The following GABRA2 variants were observed in gnomAD, a reference collection of about 807,000 sequenced individuals.
GABRA2 encodes gamma-aminobutyric acid receptor subunit alpha-2.
In GABRA2, 16 loss-of-function variants were observed where a neutral mutation model predicts 48.7. The observed-to-expected ratio is 0.33, with a 90% CI of 0.22 to 0.50. GABRA2 has a LOEUF of 0.50. Among genes scored for constraint, GABRA2 ranks in the 20% least tolerant of loss-of-function variants. GABRA2 has a pLI of 0.98. For synonymous variants in GABRA2, 185 were observed against 184.5 expected (o/e 1.00, Z -0.02); for missense variants, 275 against 535.6 (o/e 0.51, Z 4.80).
At chr4:46,363,428 C>T (rs1223763088) in intron 3 of GABRA2, among the ~76,000 whole-genome samples, 1 of 151,892 alleles carries the variant, frequency 6.6e-6, no homozygotes, top group Admixed American at 6.6e-5. Flanking sequence ...AAAACGAGAG[C>T]AAGAAATAGC....
chr4:46,275,373 A>C (rs1275654393), intron 8 of GABRA2, among the ~76,000 whole-genome samples: 1 of 152,144 alleles, frequency 6.6e-6, no homozygotes, highest in Non-Finnish European at 1.5e-5. Context: ...GTGATTTCCA[A>C]GAAATCTATT....
At chr4:46,346,514 C>T (rs186338741) in intron 3 of GABRA2, among the ~76,000 whole-genome samples, 228 of 151,050 alleles carry the variant, frequency 1.5e-3, no homozygotes, top group African/African-American at 4.4e-3. Context: ...TATAAACATA[C>T]GTTTAATATA....
At chr4:46,268,631 G>GT (rs1718715630) in intron 8 of GABRA2, among the ~76,000 whole-genome samples, 2 of 151,832 alleles carry the variant, frequency 1.3e-5, no homozygotes, top group African/African-American at 4.8e-5. Flanking sequence ...CAGTATGGGA[G>GT]TTTTTCAAAA....
chr4:46,334,651 G>T (rs1731905738), intron 3 of GABRA2, among the ~76,000 whole-genome samples: 1 of 152,152 alleles, frequency 6.6e-6, no homozygotes, highest in African/African-American at 2.4e-5. Flanking sequence ...AGGGGTATCA[G>T]TACCTAGTGG....
intron 3 of GABRA2, chr4:46,368,895 T>C (rs1714454795): frequency 3.2e-6 from 2 of 633,574 alleles, no homozygotes; most frequent in Non-Finnish European, 5.8e-6. Flanking sequence ...ATCTCCATTA[T>C]GCTCCACTCA....
chr4:46,354,513 G>A (rs754071243), intron 3 of GABRA2, among the ~76,000 whole-genome samples: 1 of 152,056 alleles, frequency 6.6e-6, no homozygotes, highest in Non-Finnish European at 1.5e-5. Flanking sequence ...ATTTTAATTG[G>A]TTATCCTTTT....
chr4:46,308,922 C>A (rs952228995), intron 6 of GABRA2, among the ~76,000 whole-genome samples: 2 of 150,968 alleles, frequency 1.3e-5, no homozygotes, highest in African/African-American at 2.4e-5. Flanking sequence ...TTAATCTTTT[C>A]TTTGGTATCA....
chr4:46,352,539 A>C (rs1231458282), intron 3 of GABRA2, among the ~76,000 whole-genome samples: 12 of 152,078 alleles, frequency 7.9e-5, no homozygotes, highest in Non-Finnish European at 1.8e-4. Context: ...AACGAAATGC[A>C]TCATTTCCTG....
intron 8 of GABRA2, among the ~76,000 whole-genome samples, chr4:46,263,906 G>C (rs1717555721): frequency 7.3e-6 from 1 of 137,230 alleles, no homozygotes; most frequent in African/African-American, 2.8e-5. Flanking sequence ...ATTTCCATTA[G>C]ATCAATTCTC....
chr4:46,386,182 G>C lies in GABRA2; in HGVS notation c.79C>G (p.Leu27Val). The part of the protein sequence containing the change: ...FLVWDPARLV[L>V]ANIQEDEAKN... ...GCCTCATCTTCTTGGATGTTAGCCA[G>C]CACCAACCTAAACAGATAATTTTAA... Residue 27 changes from leucine (L) to valine (V), a missense_variant, in exon 3 of 10, where the codon CTG (leucine) becomes GTG (valine). Coordinates refer to ENST00000381620, the MANE Select transcript of GABRA2 (RefSeq NM_000807.4). 6.3e-7 allele frequency: 1 copy of C among 1,595,838 alleles called. No individual in the cohort carries two copies. The highest frequency in any genetic ancestry group is 8.6e-7 in the Non-Finnish European group (1 of 1,166,252).
intron 3 of GABRA2, among the ~76,000 whole-genome samples, chr4:46,377,340 G>T (rs1715915113): frequency 6.6e-6 from 1 of 151,498 alleles, no homozygotes; most frequent in Admixed American, 6.6e-5. Context: ...GAGCGTCTCT[G>T]CCCAGCCGCC....
intron 3 of GABRA2, among the ~76,000 whole-genome samples, chr4:46,370,954 C>T (rs1714795525): frequency 2.0e-5 from 3 of 151,902 alleles, no homozygotes. Context: ...ATAGAAGGGG[C>T]ATTGTAGGTT....
At chr4:46,381,602 T>C (rs1716764869) in intron 3 of GABRA2, among the ~76,000 whole-genome samples, 2 of 152,208 alleles carry the variant, frequency 1.3e-5, no homozygotes, top group South Asian at 4.1e-4. Context: ...ATCAATTGTA[T>C]GTCACATTGC....
At chr4:46,378,201 T>C (rs1189010418) in intron 3 of GABRA2, among the ~76,000 whole-genome samples, 4 of 151,594 alleles carry the variant, frequency 2.6e-5, no homozygotes, top group Non-Finnish European at 4.4e-5. Flanking sequence ...ACAATGGCGG[T>C]TTTGTGGAAT....
chr4:46,365,611 C>T (rs1428155830), intron 3 of GABRA2: 1 of 152,102 alleles, frequency 6.6e-6, no homozygotes, highest in Non-Finnish European at 1.5e-5. Flanking sequence ...AATTTCATTA[C>T]TCTTTGTAAC....
chr4:46,288,883 A>G (rs1284354195), intron 8 of GABRA2, among the ~76,000 whole-genome samples: 1 of 127,508 alleles, frequency 7.8e-6, no homozygotes. Flanking sequence ...AAAAACAATG[A>G]AAGTAGACAA....
At chr4:46,357,669 T>TC (rs777040280) in intron 3 of GABRA2, among the ~76,000 whole-genome samples, 103 of 144,898 alleles carry the variant, frequency 7.1e-4, no homozygotes, top group Non-Finnish European at 1.0e-3. Context: ...TTTCTTTCTT[T>TC]TTTTTTTTTT....
intron 8 of GABRA2, among the ~76,000 whole-genome samples, chr4:46,298,217 T>C (rs1324159933): frequency 6.6e-6 from 1 of 152,120 alleles, no homozygotes; most frequent in Non-Finnish European, 1.5e-5. Flanking sequence ...TGTTTTTGCG[T>C]TGTAATTATT....
intron 3 of GABRA2, among the ~76,000 whole-genome samples, chr4:46,376,151 A>G (rs982651175): frequency 6.6e-6 from 1 of 152,238 alleles, no homozygotes; most frequent in Non-Finnish European, 1.5e-5. Flanking sequence ...CACTCTTTCA[A>G]TACACATTTT....
Sources: allele counts gnomAD v4.1 joint callset (sites outside exome capture counted in the v4.1 genomes callset), GRCh38; gene constraint gnomAD v4.1.1; transcripts MANE v1.5; gene names NCBI Gene and HGNC (gene_info 2026-07-23, HGNC 2026-07-21).